The following TAFA1 variants were observed in gnomAD, a reference collection of about 807,000 sequenced individuals.
TAFA1 encodes chemokine-like protein TAFA-1.
Under a neutral mutation model 18.5 loss-of-function variants are expected in TAFA1, and 4 were observed. The ratio of observed to expected loss-of-function variants is 0.22; its 90% CI spans 0.11 to 0.49. The LOEUF (loss-of-function observed/expected upper bound fraction) is 0.49. TAFA1 is among the 20% of genes least tolerant of loss of function. TAFA1 has a pLI of 0.98. For missense variants in TAFA1, 147 were observed against 169.0 expected (o/e 0.87, Z 0.72); for synonymous variants, 56 against 55.2 (o/e 1.01, Z -0.06).
At chr3:68,333,961 T>C (rs2068925634) in intron 2 of TAFA1, among the ~76,000 whole-genome samples, 1 of 152,170 alleles carries the variant, frequency 6.6e-6, no homozygotes, top group Non-Finnish European at 1.5e-5. Context: ...GTCAAACTCA[T>C]AGAAACAAGT....
intron 2 of TAFA1, among the ~76,000 whole-genome samples, chr3:68,145,937 C>G (rs1052892505): frequency 6.6e-6 from 1 of 152,098 alleles, no homozygotes; most frequent in Admixed American, 6.5e-5. Context: ...TTACACAACC[C>G]GGGGGACATG....
chr3:68,025,758 G>A (rs950776282), intron 2 of TAFA1, among the ~76,000 whole-genome samples: 2 of 152,132 alleles, frequency 1.3e-5, no homozygotes, highest in Non-Finnish European at 2.9e-5. Context: ...CCTGCTCCAA[G>A]TATCTGCTCA....
chr3:68,411,028 T>C (rs973698675), intron 2 of TAFA1, among the ~76,000 whole-genome samples: 7 of 152,228 alleles, frequency 4.6e-5, no homozygotes, highest in African/African-American at 1.4e-4. Context: ...TTCCCTTTCA[T>C]TGGGAGAAAC....
chr3:68,405,834 A>T (rs1411669111), intron 2 of TAFA1, among the ~76,000 whole-genome samples: 1 of 151,372 alleles, frequency 6.6e-6, no homozygotes, highest in Non-Finnish European at 1.5e-5. Flanking sequence ...GCAACCTGGA[A>T]CCTAAAAGGC....
At chr3:68,285,132 T>G (rs548775662) in intron 2 of TAFA1, among the ~76,000 whole-genome samples, 8 of 152,064 alleles carry the variant, frequency 5.3e-5, no homozygotes, top group Non-Finnish European at 1.2e-4. Flanking sequence ...ACATCATGGA[T>G]GAAACTCAAA....
intron 2 of TAFA1, among the ~76,000 whole-genome samples, chr3:68,133,748 C>T (rs1173210228): frequency 6.6e-6 from 1 of 152,086 alleles, no homozygotes; most frequent in Admixed American, 6.5e-5. Flanking sequence ...AACAACCAAG[C>T]TGCCCTCACT....
At chr3:68,203,267 G>T (rs923362157) in intron 2 of TAFA1, among the ~76,000 whole-genome samples, 1 of 151,604 alleles carries the variant, frequency 6.6e-6, no homozygotes, top group African/African-American at 2.4e-5. Flanking sequence ...GTGCCTAGGT[G>T]TAGGCATTTT....
chr3:68,141,051 T>C (rs2065662062), intron 2 of TAFA1, among the ~76,000 whole-genome samples: 1 of 152,188 alleles, frequency 6.6e-6, no homozygotes, highest in Non-Finnish European at 1.5e-5. Flanking sequence ...TCTGCTTGCC[T>C]ATGAGGTTGT....
intron 2 of TAFA1, among the ~76,000 whole-genome samples, chr3:68,115,608 C>G (rs1360506525): frequency 6.6e-6 from 1 of 152,122 alleles, no homozygotes; most frequent in Non-Finnish European, 1.5e-5. Flanking sequence ...CTAAGGTGCT[C>G]CTTAGAGTGC....
At chr3:68,175,656 C>T (rs1256298739) in intron 2 of TAFA1, among the ~76,000 whole-genome samples, 1 of 152,148 alleles carries the variant, frequency 6.6e-6, no homozygotes, top group Non-Finnish European at 1.5e-5. Context: ...AAATAACTTA[C>T]CTGTTTTTGA....
chr3:68,533,327 G>A (rs1168350444), intron 3 of TAFA1, among the ~76,000 whole-genome samples: 2 of 152,084 alleles, frequency 1.3e-5, no homozygotes, highest in Non-Finnish European at 2.9e-5. Flanking sequence ...AGCAAAAGGG[G>A]AAATCCCTTA....
At chr3:68,063,250 G>A (rs1320446068) in intron 2 of TAFA1, among the ~76,000 whole-genome samples, 1 of 152,236 alleles carries the variant, frequency 6.6e-6, no homozygotes, top group South Asian at 2.1e-4. Flanking sequence ...TCAGGGCTGC[G>A]GGTGATGAGG....
intron 3 of TAFA1, among the ~76,000 whole-genome samples, chr3:68,455,493 A>G (rs1006214082): frequency 8.5e-5 from 13 of 152,168 alleles, no homozygotes; most frequent in African/African-American, 2.9e-4. Flanking sequence ...CAGACTGTCC[A>G]AGGTCAATTT....
At chr3:68,183,346 A>G (rs1349703951) in intron 2 of TAFA1, among the ~76,000 whole-genome samples, 4 of 152,182 alleles carry the variant, frequency 2.6e-5, no homozygotes, top group Non-Finnish European at 4.4e-5. Context: ...TCATAACATC[A>G]GGAAATAAGG....
intron 2 of TAFA1, among the ~76,000 whole-genome samples, chr3:68,334,221 A>G (rs1344587436): frequency 6.6e-6 from 1 of 152,182 alleles, no homozygotes; most frequent in Non-Finnish European, 1.5e-5. Context: ...TTTACTATGC[A>G]TTTATACATA....
chr3:68,135,105 GA>G (rs2065590796), intron 2 of TAFA1, among the ~76,000 whole-genome samples: 1 of 152,100 alleles, frequency 6.6e-6, no homozygotes, highest in African/African-American at 2.4e-5. Flanking sequence ...AAGGCAGGGG[GA>G]GAAGCAAAAA....
At chr3:68,513,145 C>G (rs1282332721) in intron 3 of TAFA1, among the ~76,000 whole-genome samples, 2 of 152,092 alleles carry the variant, frequency 1.3e-5, no homozygotes, top group African/African-American at 4.8e-5. Flanking sequence ...CACTTTTCAT[C>G]CACAGGTGCC....
At chr3:68,259,687 C>G (rs1315861793) in intron 2 of TAFA1, among the ~76,000 whole-genome samples, 3 of 152,004 alleles carry the variant, frequency 2.0e-5, no homozygotes, top group Non-Finnish European at 4.4e-5. Flanking sequence ...GTATTTTGTT[C>G]TCTTTGAAGC....
chr3:68,323,014 A>C (rs1000331969), intron 2 of TAFA1, among the ~76,000 whole-genome samples: 1 of 145,002 alleles, frequency 6.9e-6, no homozygotes, highest in Non-Finnish European at 1.6e-5. Flanking sequence ...ACCCCCAGGA[A>C]AATCAGGACC....
Sources: gnomAD v4.1 joint callset for allele counts (sites outside exome capture counted in the v4.1 genomes callset) on GRCh38, gnomAD v4.1.1 for gene constraint, MANE v1.5 for transcripts, NCBI Gene and HGNC (gene_info 2026-07-23, HGNC 2026-07-21) for gene names.